The following GLIS3 variants were observed in gnomAD, a reference collection of about 807,000 sequenced individuals.
The protein encoded by GLIS3 is zinc finger protein GLIS3.
In GLIS3, 53 loss-of-function variants were observed where a neutral mutation model predicts 78.6. That is an observed-to-expected ratio of 0.67 (90% confidence interval 0.54 to 0.85). The LOEUF (loss-of-function observed/expected upper bound fraction) is 0.85. Among genes scored for constraint, GLIS3 ranks in the 40% least tolerant of loss-of-function variants. GLIS3 has a pLI of 0.00. For synonymous variants in GLIS3, 684 were observed against 509.9 expected (o/e 1.34, Z -4.60); for missense variants, 1,703 against 1,231.1 (o/e 1.38, Z -5.74).
chr9:3,829,146 G>A (rs1817893530), intron 10 of GLIS3, among the ~76,000 whole-genome samples, 164 bp downstream of exon 10: 2 of 152,132 alleles, frequency 1.3e-5, no homozygotes, highest in Admixed American at 6.5e-5. Context: ...GGCTGAAGGA[G>A]GGCTGGAGGG....
At chr9:4,233,055 G>A (rs1315676236) in intron 2 of GLIS3, among the ~76,000 whole-genome samples, 12 of 152,180 alleles carry the variant, frequency 7.9e-5, no homozygotes, top group Non-Finnish European at 1.0e-4. Context: ...TAATAAGGAG[G>A]ATGAGCTCTA....
rs990593933 is a variant in GLIS3 at position 3,825,399 on chromosome 9, A to G, written c.*2873T>C. 2 of 152,184 alleles carry G rather than the reference A, an allele frequency of 1.3e-5. No homozygotes were observed. Among genetic ancestry groups the G allele is most frequent in the South Asian group, 2.1e-4 (1 of 4,798 alleles). 9.4% of individuals were successfully genotyped at this position (152,184 alleles called of 1,614,324 possible). A position where few individuals can be genotyped will look rare whatever the true frequency, so the allele number is the denominator to read the frequency against. ...GCAGTTTCGTTAGGGAATTAAGACAATGCAGCCAATGAAATGTCTCTAGGC... is the reference window on the plus strand; with the variant it reads ...GCAGTTTCGTTAGGGAATTAAGACAGTGCAGCCAATGAAATGTCTCTAGGC... On this transcript the variant is annotated 3_prime_UTR_variant, in exon 11 of 11. Transcript: ENST00000381971.
chr9:4,470,975 A>T, the GLIS3 span, among the ~76,000 whole-genome samples: 1 of 151,742 alleles, frequency 6.6e-6, no homozygotes, highest in African/African-American at 2.4e-5. Flanking sequence ...ACAAACAGAG[A>T]GCCAAATCAT....
intron 6 of GLIS3, among the ~76,000 whole-genome samples, chr9:3,922,661 T>C (rs112939308): frequency 3.2e-4 from 49 of 152,210 alleles, no homozygotes; most frequent in African/African-American, 1.2e-3. Flanking sequence ...CTCATCTAGC[T>C]AGTCAGGGAA....
intron 2 of GLIS3, among the ~76,000 whole-genome samples, chr9:4,317,363 G>A (rs1351095973): frequency 2.0e-5 from 3 of 152,138 alleles, no homozygotes; most frequent in Non-Finnish European, 2.9e-5. Flanking sequence ...TAAAGATTCC[G>A]ATTTAATCAC....
the GLIS3 span, among the ~76,000 whole-genome samples, chr9:4,360,079 T>C: frequency 6.6e-6 from 1 of 152,054 alleles, no homozygotes; most frequent in Admixed American, 6.5e-5. Flanking sequence ...CCCCATCTCC[T>C]AATGAAGTCA....
At chr9:4,018,046 G>A (rs959928864) in intron 4 of GLIS3, among the ~76,000 whole-genome samples, 3 of 152,198 alleles carry the variant, frequency 2.0e-5, no homozygotes, top group African/African-American at 7.2e-5. Context: ...TCTCAGTGCT[G>A]TGATAATCCT....
At chr9:3,968,352 T>TG (rs1169235451) in intron 4 of GLIS3, among the ~76,000 whole-genome samples, 2 of 152,316 alleles carry the variant, frequency 1.3e-5, no homozygotes, top group East Asian at 3.9e-4. Context: ...TCAATACTCA[T>TG]GGTAGCCTAA....
chr9:3,856,094 A>G lies in GLIS3; in HGVS notation c.2388T>C (p.Tyr796=). 1 of 1,614,208 alleles carries G rather than the reference A, an allele frequency of 6.2e-7. No individual in the cohort carries two copies. The change falls in exon 9 of 11, where the codon TAT becomes TAC. Residue 796 remains tyrosine (Y), a synonymous_variant. Coordinates refer to ENST00000381971, the MANE Select transcript of GLIS3 (RefSeq NM_001042413.2). ...SSILQRTQPP[Y]TQQPSGSHLK... ...GGTGTGAACCTGATGGCTGCTGGGT[A>G]TAGGGAGGCTGTGTTCTTTGCAGTA... is the stretch of plus-strand genomic sequence containing the variant.
At chr9:4,298,272 G>A (rs977128789) in intron 1 of GLIS3, 5 of 425,008 alleles carry the variant, frequency 1.2e-5, no homozygotes, top group African/African-American at 6.2e-5. Context: ...CCGAGCCAGT[G>A]TCCTCACCCT....
At chr9:4,373,598 C>A in the GLIS3 span, among the ~76,000 whole-genome samples, 1 of 151,460 alleles carries the variant, frequency 6.6e-6, no homozygotes, top group Non-Finnish European at 1.5e-5. Flanking sequence ...CTTTTGGGAG[C>A]TAAAAAAATA....
chr9:4,069,710 C>T (rs904374955), intron 4 of GLIS3, among the ~76,000 whole-genome samples: 19 of 152,088 alleles, frequency 1.2e-4, no homozygotes, highest in African/African-American at 4.6e-4. Flanking sequence ...TGCATACTTA[C>T]AGGGAAATTA....
At chr9:4,341,368 A>T (rs1336155360) in intron 2 of GLIS3, among the ~76,000 whole-genome samples, 1 of 152,214 alleles carries the variant, frequency 6.6e-6, no homozygotes, top group Non-Finnish European at 1.5e-5. Context: ...ACCCTGTTCA[A>T]ATCAACTCTC....
At chr9:4,331,024 C>T (rs771037597) in intron 2 of GLIS3, among the ~76,000 whole-genome samples, 1 of 152,140 alleles carries the variant, frequency 6.6e-6, no homozygotes, top group African/African-American at 2.4e-5. Context: ...CAAACAGGCC[C>T]ATCTTGCCCT....
intron 4 of GLIS3, among the ~76,000 whole-genome samples, chr9:4,035,352 C>G (rs897886656): frequency 6.6e-6 from 1 of 151,876 alleles, no homozygotes; most frequent in Non-Finnish European, 1.5e-5. Flanking sequence ...TATACTGTAG[C>G]AAAAACAGAA....
chr9:4,405,291 T>G, the GLIS3 span, among the ~76,000 whole-genome samples: 2 of 150,384 alleles, frequency 1.3e-5, no homozygotes, highest in Non-Finnish European at 3.0e-5. Context: ...GCGGCAGAGG[T>G]TGTGGGGAGT....
chr9:4,051,936 T>A lies in GLIS3; in HGVS notation c.1710+65832A>T, dbSNP rs537978952. ...TACATACATGTCGAATGTCTATGTA[T>A]CATGCGTATATACAGGGGCTGAATC... On this transcript the variant is annotated intron_variant, in intron 4 of 10. Transcript: ENST00000381971. Among the ~76,000 whole-genome samples the A allele has an allele frequency of 5.3e-5, 8 of 152,368 alleles. No individual in the cohort carries two copies. In the East Asian group the frequency reaches 1.5e-3, roughly 29 times the overall value.
At chr9:4,089,730 G>A (rs918308743) in intron 4 of GLIS3, among the ~76,000 whole-genome samples, 1 of 151,948 alleles carries the variant, frequency 6.6e-6, no homozygotes, top group African/African-American at 2.4e-5. Context: ...GAGGTGGGAG[G>A]ATCGCTTGAG....
chr9:3,859,934 A>G (rs1243400650), intron 8 of GLIS3, among the ~76,000 whole-genome samples: 1 of 152,162 alleles, frequency 6.6e-6, no homozygotes, highest in Non-Finnish European at 1.5e-5. Flanking sequence ...ATGGCATGCA[A>G]AAGAAAAAAA....
Sources: gnomAD v4.1 joint callset for allele counts (sites outside exome capture counted in the v4.1 genomes callset) on GRCh38, gnomAD v4.1.1 for gene constraint, MANE v1.5 for transcripts, NCBI Gene and HGNC (gene_info 2026-07-23, HGNC 2026-07-21) for gene names.